The following PDSS2 variants were observed in gnomAD, a reference collection of about 807,000 sequenced individuals.
The protein encoded by PDSS2 is decaprenyl diphosphate synthase subunit 2, also known as all trans-polyprenyl-diphosphate synthase PDSS2.
Under a neutral mutation model 44.5 loss-of-function variants are expected in PDSS2, and 31 were observed. That is an observed-to-expected ratio of 0.70 (90% CI 0.52 to 0.94). The LOEUF is 0.94. PDSS2 is among the 40% of genes least tolerant of loss of function. The pLI is 0.00. For synonymous variants in PDSS2, 157 were observed against 180.3 expected, an observed-to-expected ratio of 0.87 and a Z score of 1.03; for missense variants, 452 against 482.2, an observed-to-expected ratio of 0.94 and a Z score of 0.59.
At position 107,388,843 on chromosome 6, in the gene PDSS2, A is replaced by AT. The variant is rs529754877; in HGVS notation, c.297-54512dup. Among the ~76,000 whole-genome samples, 700 of 152,332 alleles carry AT rather than the reference A, an allele frequency of 4.6e-3. 6 individuals carry two copies. Among genetic ancestry groups the AT allele is most frequent in the African/African-American group, 0.016 (673 of 41,564 alleles). On this transcript the variant is annotated intron_variant, in intron 1 of 7. Transcript: ENST00000369037. ...ATTTAAAAGAAGAATGGGTAAACAA[A>AT]TTGTGGTATATCCATACAATGTAAT... is the stretch of plus-strand genomic sequence containing the variant.
intron 1 of PDSS2, among the ~76,000 whole-genome samples, chr6:107,379,596 A>T (rs1217195578): frequency 6.6e-6 from 1 of 152,134 alleles, no homozygotes. Flanking sequence ...ATTTGGTGTT[A>T]AATACACATA....
At chr6:107,202,019 T>C (rs1431196171) in intron 6 of PDSS2, among the ~76,000 whole-genome samples, 1 of 152,186 alleles carries the variant, frequency 6.6e-6, no homozygotes, top group Non-Finnish European at 1.5e-5. Flanking sequence ...CTAAGAACAC[T>C]GACATTTACT....
intron 7 of PDSS2, among the ~76,000 whole-genome samples, chr6:107,188,368 G>T (rs1306000368): frequency 2.0e-5 from 3 of 149,990 alleles, no homozygotes; most frequent in South Asian, 2.1e-4. Flanking sequence ...GACAGAGTGA[G>T]ACCCTGTCTC....
At chr6:107,355,712 TTTAAC>T (rs1778579486) in intron 1 of PDSS2, among the ~76,000 whole-genome samples, 1 of 152,156 alleles carries the variant, frequency 6.6e-6, no homozygotes, top group African/African-American at 2.4e-5. Context: ...TAGCTCTTAG[TTTAAC>T]TTAACTTTTT....
chr6:107,239,840 C>T (rs541597472), intron 4 of PDSS2, among the ~76,000 whole-genome samples: 9 of 152,078 alleles, frequency 5.9e-5, no homozygotes, highest in Non-Finnish European at 7.4e-5. Flanking sequence ...CACGGTTTCA[C>T]CATGTTGGCC....
chr6:107,297,404 C>T (rs1401876645), intron 2 of PDSS2, among the ~76,000 whole-genome samples: 14 of 147,656 alleles, frequency 9.5e-5, no homozygotes, highest in Non-Finnish European at 1.5e-4. Flanking sequence ...TTTTTTGAGA[C>T]GGAGTCTTGC....
chr6:107,180,087 A>T (rs1423766908), intron 7 of PDSS2, among the ~76,000 whole-genome samples: 4 of 152,200 alleles, frequency 2.6e-5, no homozygotes, highest in African/African-American at 9.7e-5. Context: ...CCTCTCCACT[A>T]TATTTTATGA....
chr6:107,450,328 AATT>A (rs1303810843), intron 1 of PDSS2, among the ~76,000 whole-genome samples: 1 of 152,222 alleles, frequency 6.6e-6, no homozygotes, highest in African/African-American at 2.4e-5. Context: ...GTAGAGGATA[AATT>A]AAAGAAAGGA....
intron 1 of PDSS2, among the ~76,000 whole-genome samples, chr6:107,394,771 ATATGT>A (rs1270919770): frequency 1.2e-4 from 18 of 152,212 alleles, no homozygotes; most frequent in African/African-American, 4.1e-4. Context: ...TTACTACCTC[ATATGT>A]TATATGTCCC....
chr6:107,247,388 A>C (rs1055278794), intron 3 of PDSS2, among the ~76,000 whole-genome samples: 1 of 152,240 alleles, frequency 6.6e-6, no homozygotes, highest in Non-Finnish European at 1.5e-5. Context: ...AGGCAGAAGC[A>C]ACAAGAACAT....
At chr6:107,402,451 C>CACATAGATATACGTATATATATGTAT (rs1780140492) in intron 1 of PDSS2, among the ~76,000 whole-genome samples, 1 of 8,120 alleles carries the variant, frequency 1.2e-4, no homozygotes, top group Non-Finnish European at 2.6e-4. Flanking sequence ...CACACACACA[C>CACATAGATATACGTATATATATGTAT]ACATATATAT....
intron 7 of PDSS2, among the ~76,000 whole-genome samples, chr6:107,174,668 CAG>C (rs1339838670): frequency 2.0e-5 from 3 of 151,840 alleles, no homozygotes; most frequent in African/African-American, 4.8e-5. Context: ...CCTTTTTACT[CAG>C]AGTTAGAAAT....
rs536821455 is a variant in PDSS2, at chr6:107,214,113, T to A, written c.703-1831A>T. 5.3e-5 allele frequency among the ~76,000 whole-genome samples: 8 copies of A among 151,890 alleles called. No homozygotes were observed. The South Asian group carries it at 1.7e-3, about 32-fold the overall frequency. On this transcript the variant is annotated intron_variant, in intron 4 of 7. Coordinates refer to ENST00000369037, the MANE Select transcript of PDSS2 (RefSeq NM_020381.4). The stretch of plus-strand genomic sequence containing the variant: ...TATTAGTGAGCTATTTTACACTTTT[T>A]TTTTTTTTGAGATGGAGTCTCTCTG...
At position 107,387,114 on chromosome 6, in the gene PDSS2, T is replaced by C. The variant is rs1037650042; in HGVS notation, c.297-52782A>G. Among the ~76,000 whole-genome samples the C allele has an allele frequency of 6.6e-5, 10 of 152,340 alleles. No homozygotes were observed. The East Asian group carries it at 9.6e-4, about 15-fold the overall frequency. Reference sequence around the variant, plus strand: ...ACTCTGCTTTGGTATTTCTCCACCATTGCGGTCCACACATTCCCAAGGAGG... The same window carrying C: ...ACTCTGCTTTGGTATTTCTCCACCACTGCGGTCCACACATTCCCAAGGAGG... On this transcript the variant is annotated intron_variant, in intron 1 of 7. Coordinates refer to ENST00000369037, the MANE Select transcript of PDSS2 (RefSeq NM_020381.4).
At position 107,301,848 on chromosome 6, in the gene PDSS2, CG is replaced by C. The variant is rs1018041250; in HGVS notation, c.432-27622del. On this transcript the variant is annotated intron_variant, in intron 2 of 7. Coordinates refer to ENST00000369037, the MANE Select transcript of PDSS2 (RefSeq NM_020381.4). ...ATGGTCTGGGCTGAAGCACTGAACT[CG>C]GGAGGTGGAGGTTGCAGTGAGCCGA... Among the ~76,000 whole-genome samples the C allele has an allele frequency of 4.4e-5, 6 of 137,262 alleles. No individual in the cohort carries two copies. The East Asian group carries it at 1.4e-3, about 32-fold the overall frequency. 90.0% of individuals were successfully genotyped at this position (137,262 alleles called of 152,430 possible).
At chr6:107,207,480 G>A (rs1324780045) in intron 6 of PDSS2, among the ~76,000 whole-genome samples, 1 of 152,200 alleles carries the variant, frequency 6.6e-6, no homozygotes, top group East Asian at 1.9e-4. Flanking sequence ...TCTCTCCTAG[G>A]TGTTATGCAA....
intron 3 of PDSS2, among the ~76,000 whole-genome samples, chr6:107,267,091 G>A (rs1351140401): frequency 6.6e-6 from 1 of 152,188 alleles, no homozygotes; most frequent in Admixed American, 6.5e-5. Context: ...CATCAGAATA[G>A]TTCAAAGTTA....
chr6:107,381,357 C>A (rs1185214156), intron 1 of PDSS2, among the ~76,000 whole-genome samples: 1 of 152,148 alleles, frequency 6.6e-6, no homozygotes, highest in African/African-American at 2.4e-5. Context: ...ATTAAATACT[C>A]ACTAACAATA....
At chr6:107,261,474 G>A (rs1291021634) in intron 3 of PDSS2, among the ~76,000 whole-genome samples, 1 of 152,140 alleles carries the variant, frequency 6.6e-6, no homozygotes, top group Non-Finnish European at 1.5e-5. Context: ...CCTAGAAGCT[G>A]AGCAGGTGCA....
Sources: gnomAD v4.1 joint callset for allele counts (sites outside exome capture counted in the v4.1 genomes callset) on GRCh38, gnomAD v4.1.1 for gene constraint, MANE v1.5 for transcripts, NCBI Gene and HGNC (gene_info 2026-07-23, HGNC 2026-07-21) for gene names.